The following IARS2 variants were observed in gnomAD, a reference collection of about 807,000 sequenced individuals.
IARS2 encodes isoleucine--tRNA ligase, mitochondrial.
Under a neutral mutation model 126.3 loss-of-function variants are expected in IARS2, and 56 were observed. That is an observed-to-expected ratio of 0.44 (90% CI 0.36 to 0.55). IARS2 has a LOEUF of 0.55. Among genes scored for constraint, IARS2 ranks in the 20% least tolerant of loss-of-function variants. The pLI is 0.00. For synonymous variants in IARS2, 407 were observed against 441.1 expected (o/e 0.92, Z 0.97); for missense variants, 1,127 against 1,245.9 (o/e 0.90, Z 1.44).
intron 11 of IARS2, among the ~76,000 whole-genome samples, chr1:220,111,598 A>ATATATATATGTG (rs374024744): frequency 3.0e-4 from 40 of 134,852 alleles, no homozygotes; most frequent in African/African-American, 1.1e-3. Flanking sequence ...ATATATATAT[A>ATATATATATGTG]TGTGTGTGTG....
At chr1:220,125,204 T>C in intron 12 of IARS2, 33 bp from the exon 13 acceptor site, 2 of 1,228,274 alleles carry the variant, frequency 1.6e-6, no homozygotes, top group South Asian at 2.7e-5. Flanking sequence ...CAATAGTTAA[T>C]TGAATAATTC....
In IARS2 at chr1:220,147,520, A is replaced by ATAAAG; in HGVS notation, c.2928_2932dup (p.Ile978LysfsTer2). On this transcript the variant is annotated frameshift_variant, in exon 23 of 23. Coordinates refer to ENST00000366922, the MANE Select transcript of IARS2 (RefSeq NM_018060.4). LOFTEE classifies it high-confidence loss of function. ...GGTGATATTCGTGAAGAGTCTTCCT[A>ATAAAG]TAAAGTAATTGTCATGCCGACTACG... 2.5e-6 allele frequency: 4 copies of ATAAAG among 1,614,140 alleles called. No homozygotes were observed. The highest frequency in any genetic ancestry group is 2.5e-6 in the Non-Finnish European group (3 of 1,179,986).
Position 220,094,270 on chromosome 1 carries a change from C to T in IARS2, c.54C>T (p.Ala18=). ...RGPGAAALAT[A]RSLWGTPRLP... is the part of the protein sequence containing the mutation. ...CGGGCGCGGCCGCCCTGGCCACTGCCCGAAGTTTGTGGGGGACGCCCCGCC... is the reference window on the plus strand; with the variant it reads ...CGGGCGCGGCCGCCCTGGCCACTGCTCGAAGTTTGTGGGGGACGCCCCGCC... The change falls in exon 1 of 23, where the codon GCC becomes GCT. Residue 18 remains alanine (A), a synonymous_variant. Coordinates refer to ENST00000366922, the MANE Select transcript of IARS2 (RefSeq NM_018060.4). 6.2e-7 allele frequency: 1 copy of T among 1,609,076 alleles called. No homozygotes were observed. Among genetic ancestry groups the T allele is most frequent in the South Asian group, 1.1e-5 (1 of 90,688 alleles).
At chr1:220,102,302 A>C (rs1233269074) in intron 4 of IARS2, 25 bp downstream of exon 4, 1 of 1,602,108 alleles carries the variant, frequency 6.2e-7, no homozygotes, top group Non-Finnish European at 8.5e-7. Flanking sequence ...TTTCTCTTTG[A>C]GTAGGTTTTA....
chr1:220,141,845 T>C lies in IARS2; in HGVS notation c.2457T>C (p.Cys819=), dbSNP rs1314559405. Residue 819 remains cysteine, a synonymous_variant, in exon 20 of 23, where the codon TGT becomes TGC. Transcript: ENST00000366922. ...AAAATGACCCCAAACGACGCTCTTG[T>C]CAGACTGCATTAGTTGAAATTTTGG... ...EKENDPKRRS[C]QTALVEILDV... 6.2e-7 allele frequency: 1 copy of C among 1,614,056 alleles called. No homozygotes were observed. The highest frequency in any genetic ancestry group is 1.3e-5 in the African/African-American group (1 of 74,928).
chr1:220,108,998 A>G (rs1240366581), intron 10 of IARS2, among the ~76,000 whole-genome samples: 2 of 151,734 alleles, frequency 1.3e-5, no homozygotes, highest in Non-Finnish European at 2.9e-5. Context: ...ATATCAAAGG[A>G]CAGTACGTTT....
intron 12 of IARS2, among the ~76,000 whole-genome samples, chr1:220,119,692 T>C (rs1656998586): frequency 6.6e-6 from 1 of 152,106 alleles, no homozygotes; most frequent in Non-Finnish European, 1.5e-5. Context: ...GATATGTATA[T>C]AAGATGTCCA....
chr1:220,140,359 A>G, intron 19 of IARS2, 70 bp downstream of exon 19: 1 of 954,136 alleles, frequency 1.0e-6, no homozygotes, highest in African/African-American at 1.6e-5. Context: ...TAATCCCAGC[A>G]CTTTGGGAGG....
intron 1 of IARS2, 105 bp downstream of exon 1, chr1:220,094,588 G>C (rs2102814377): frequency 1.0e-6 from 1 of 966,192 alleles, no homozygotes; most frequent in East Asian, 2.8e-5. Flanking sequence ...CGGTGCGGGT[G>C]GGCGGGGGTG....
In IARS2 at chr1:220,107,045, A is replaced by G. The variant is rs1028633339; in HGVS notation, c.1237-16A>G. On this transcript the variant is annotated splice_polypyrimidine_tract_variant and intron_variant, in intron 9 of 22. Coordinates refer to ENST00000366922, the MANE Select transcript of IARS2 (RefSeq NM_018060.4). Reference sequence around the variant, plus strand: ...AATGTCTTGATATTTTAATTGTTCAAAATGATACTTTATAGGATTGTCTAG... The same window carrying G: ...AATGTCTTGATATTTTAATTGTTCAGAATGATACTTTATAGGATTGTCTAG... The G allele has an allele frequency of 2.0e-6, 3 of 1,525,556 alleles. No individual in the cohort carries two copies. The highest frequency in any genetic ancestry group is 1.8e-6 in the Non-Finnish European group (2 of 1,099,520). The allele number at this position is 1,525,556 out of a possible 1,614,324, so 94.5% of individuals were successfully genotyped here.
At position 220,105,909 on chromosome 1, in the gene IARS2, G is replaced by A. The variant is rs1656669323; in HGVS notation, c.1085G>A (p.Gly362Asp). ...STLSGVDLEN[G>D]TCSHPLIPDK... ...CCCACAGGTGTAGATTTGGAAAATG[G>A]TACTTGCAGTCATCCATTAATTCCT... The change falls in exon 9 of 23, where the codon GGT (glycine) becomes GAT (aspartate). Residue 362 changes from glycine (G) to aspartate (D), a missense_variant. Gly to Asp is a moderately conservative substitution (Grantham distance 94, BLOSUM62 -1). Coordinates refer to ENST00000366922, the MANE Select transcript of IARS2 (RefSeq NM_018060.4). 6.2e-7 allele frequency: 1 copy of A among 1,613,952 alleles called. No individual in the cohort carries two copies. Among genetic ancestry groups the A allele is most frequent in the Non-Finnish European group, 8.5e-7 (1 of 1,179,918 alleles).
At position 220,102,095 on chromosome 1, in the gene IARS2, G is replaced by GT. The variant is rs531862813; in HGVS notation, c.551-28dup. 4 of 1,577,424 alleles carry GT rather than the reference G, an allele frequency of 2.5e-6. No individual in the cohort carries two copies. The African/African-American group carries it at 4.1e-5, about 16-fold the overall frequency. ...CATGTTTAAGAATTCGAATTCATTG[G>GT]TTTTTTAAAATCTTTTTTTCGTCTT... On this transcript the variant is annotated intron_variant, in intron 3 of 22. Coordinates refer to ENST00000366922, the MANE Select transcript of IARS2 (RefSeq NM_018060.4).
intron 10 of IARS2, 30 bp from the exon 11 acceptor site, chr1:220,110,756 A>C: frequency 6.7e-7 from 1 of 1,498,846 alleles, no homozygotes. Context: ...CTTTTTAATT[A>C]TGTCTAATTT....
In IARS2 at chr1:220,107,054, T is replaced by C; in HGVS notation, c.1237-7T>C. ...ATATTTTAATTGTTCAAAATGATACTTTATAGGATTGTCTAGTGGACGAAG... is the reference window on the plus strand; with the variant it reads ...ATATTTTAATTGTTCAAAATGATACCTTATAGGATTGTCTAGTGGACGAAG... On this transcript the variant is annotated splice_region_variant and splice_polypyrimidine_tract_variant and intron_variant, in intron 9 of 22. Coordinates refer to ENST00000366922, the MANE Select transcript of IARS2 (RefSeq NM_018060.4). The C allele has an allele frequency of 1.3e-6, 2 of 1,570,642 alleles. No homozygotes were observed. The highest frequency in any genetic ancestry group is 1.8e-6 in the Non-Finnish European group (2 of 1,140,520).
Position 220,094,449 on chromosome 1 carries a change from G to T in IARS2, c.233G>T (p.Arg78Leu). 1.2e-6 allele frequency: 2 copies of T among 1,610,186 alleles called. No individual in the cohort carries two copies. Among genetic ancestry groups the T allele is most frequent in the Non-Finnish European group, 1.7e-6 (2 of 1,178,684 alleles). Residue 78 changes from arginine to leucine, a missense_variant, in exon 1 of 23, where the codon CGC becomes CTC. Coordinates refer to ENST00000366922, the MANE Select transcript of IARS2 (RefSeq NM_018060.4). Reference sequence around the variant, plus strand: ...AGCTTCCCCATGAAGCTGCTGGGCCGCCAGCAGCCGGACACGGAGCTGGAG... The same window carrying T: ...AGCTTCCCCATGAAGCTGCTGGGCCTCCAGCAGCCGGACACGGAGCTGGAG... ...QTSFPMKLLG[R>L]QQPDTELEIQ...
chr1:220,145,714 C>G lies in IARS2; in HGVS notation c.2896+61C>G, dbSNP rs561534698. ...AGAATTGAATAATTATAGGTCATCT[C>G]CAACTTTCCAGTGGACTGGGTTTAT... On this transcript the variant is annotated intron_variant, in intron 22 of 22. Coordinates refer to ENST00000366922, the MANE Select transcript of IARS2 (RefSeq NM_018060.4). The G allele has an allele frequency of 7.9e-6, 11 of 1,400,942 alleles. No individual in the cohort carries two copies. In the African/African-American group the frequency reaches 1.6e-4, roughly 20 times the overall value. The allele number at this position is 1,400,942 out of a possible 1,614,324, so 86.8% of individuals were successfully genotyped here. A position where few individuals can be genotyped will look rare whatever the true frequency, so the allele number is the denominator to read the frequency against.
chr1:220,134,777 T>C (rs1055101103), intron 15 of IARS2: 8 of 222,252 alleles, frequency 3.6e-5, no homozygotes, highest in African/African-American at 4.5e-5. Context: ...TGTTTTTTTT[T>C]TTTTTTTTGA....
rs140052684 is a variant in IARS2, at chr1:220,137,779, G to A, written c.2050-139G>A. Reference sequence around the variant, plus strand: ...CAGTCTAATTTGAGATTGTTAGCCCGCATTTCATTACAGTGCTAGTATAGT... The same window carrying A: ...CAGTCTAATTTGAGATTGTTAGCCCACATTTCATTACAGTGCTAGTATAGT... On this transcript the variant is annotated intron_variant, in intron 16 of 22. Coordinates refer to ENST00000366922, the MANE Select transcript of IARS2 (RefSeq NM_018060.4). The A allele has an allele frequency of 9.1e-5, 74 of 813,912 alleles. No homozygotes were observed. The African/African-American group carries it at 9.3e-4, about 10-fold the overall frequency. 50.4% of individuals were successfully genotyped at this position (813,912 alleles called of 1,614,324 possible).
chr1:220,116,710 CTTACA>C (rs1656920142), intron 12 of IARS2, among the ~76,000 whole-genome samples: 1 of 152,042 alleles, frequency 6.6e-6, no homozygotes, highest in Admixed American at 6.6e-5. Context: ...TATCTTAATA[CTTACA>C]TTAAGAATTA....
Sources: gnomAD v4.1 joint callset for allele counts (sites outside exome capture counted in the v4.1 genomes callset) on GRCh38, gnomAD v4.1.1 for gene constraint, MANE v1.5 for transcripts, NCBI Gene and HGNC (gene_info 2026-07-23, HGNC 2026-07-21) for gene names.